The following RPH3AL variants were observed in gnomAD, a reference collection of about 807,000 sequenced individuals.
The protein encoded by RPH3AL is rab effector Noc2.
A neutral mutation model predicts 43.1 loss-of-function variants in RPH3AL; 38 were observed. The observed-to-expected ratio is 0.88, with a 90% CI of 0.68 to 1.15. The LOEUF (loss-of-function observed/expected upper bound fraction) is 1.15. Ranked by LOEUF, RPH3AL falls within the 50% of genes most tolerant of loss-of-function variation. The pLI is 0.00. For missense variants in RPH3AL, 462 were observed against 423.2 expected, an observed-to-expected ratio of 1.09 and a Z score of -0.81; for synonymous variants, 189 against 176.3, an observed-to-expected ratio of 1.07 and a Z score of -0.57.
rs1175022924 is a variant in RPH3AL at position 283,188 on chromosome 17, G to A, written c.352-1334C>T. Among the ~76,000 whole-genome samples the A allele has an allele frequency of 1.3e-5, 2 of 152,180 alleles. No individual in the cohort carries two copies. Among genetic ancestry groups the A allele is most frequent in the Non-Finnish European group, 2.9e-5 (2 of 68,040 alleles). ...TGCAGCCCCCCGCCGAGGGAAGGTTGCATCTGTTGCTTGGCCTTTTCTGCA... is the reference window on the plus strand; with the variant it reads ...TGCAGCCCCCCGCCGAGGGAAGGTTACATCTGTTGCTTGGCCTTTTCTGCA... On this transcript the variant is annotated intron_variant, in intron 5 of 9. Transcript: ENST00000331302. This position sits in a 1 kb window ranked among gnomAD's most constrained non-coding sequence, Gnocchi z 4.2.
chr17:313,566 C>T (rs2043706026), intron 5 of RPH3AL, among the ~76,000 whole-genome samples: 1 of 152,150 alleles, frequency 6.6e-6, no homozygotes, highest in Non-Finnish European at 1.5e-5. Context: ...TGGGCCTGAG[C>T]TCAGAGAGGC....
rs1464500932 is a variant in RPH3AL, at chr17:247,237, T to C, written c.487A>G (p.Ile163Val). ...AWFYKGLPKY[I>V]LPLKTPGRAD... ...CGGCCAGGGGTCTTCAGGGGCAAGA[T>C]ATACTTGGGGAGCCCTTTGTAGAAC... The change falls in exon 7 of 10, where the codon ATC (isoleucine) becomes GTC (valine). Residue 163 changes from isoleucine to valine, a missense_variant. Ile to Val is a conservative substitution (Grantham distance 29, BLOSUM62 3). Transcript: ENST00000331302. 1 of 1,611,152 alleles carries C rather than the reference T, an allele frequency of 6.2e-7. No individual in the cohort carries two copies.
chr17:253,469 C>T (rs1263381914), intron 6 of RPH3AL, among the ~76,000 whole-genome samples: 2 of 152,148 alleles, frequency 1.3e-5, no homozygotes, highest in African/African-American at 2.4e-5. Context: ...CACCGGACCA[C>T]GGTTTTGGCC....
In RPH3AL at chr17:333,073, T is replaced by C. The variant is rs1418540245; in HGVS notation, c.-37+686A>G. On this transcript the variant is annotated intron_variant, in intron 2 of 9. Transcript: ENST00000331302. This position sits in a 1 kb window ranked among gnomAD's most constrained non-coding sequence, Gnocchi z 4.5. ...TCTTCCAGGAGGATGCAATTCTCTCTCTAAAGTCGAGAGCTCACCACCCCG... is the reference window on the plus strand; with the variant it reads ...TCTTCCAGGAGGATGCAATTCTCTCCCTAAAGTCGAGAGCTCACCACCCCG... 2 of 1,288,468 alleles carry C rather than the reference T, an allele frequency of 1.6e-6. No individual in the cohort carries two copies. Among genetic ancestry groups the C allele is most frequent in the Non-Finnish European group, 2.0e-6 (2 of 988,682 alleles). 79.8% of individuals were successfully genotyped at this position (1,288,468 alleles called of 1,614,324 possible). A position where few individuals can be genotyped will look rare whatever the true frequency, so the allele number is the denominator to read the frequency against.
chr17:214,014 G>T, intron 9 of RPH3AL, 91 bp from the exon 10 acceptor site: 1 of 943,446 alleles, frequency 1.1e-6, no homozygotes, highest in South Asian at 1.6e-5. Context: ...ATGAGATGGA[G>T]GAGCTGGTGG....
At chr17:277,596 G>A (rs972474730) in intron 6 of RPH3AL, among the ~76,000 whole-genome samples, 2 of 152,194 alleles carry the variant, frequency 1.3e-5, no homozygotes, top group African/African-American at 4.8e-5. Flanking sequence ...AAAAGAGGGG[G>A]AGATCGGATT....
chr17:226,460 C>T (rs190174769), intron 7 of RPH3AL, among the ~76,000 whole-genome samples: 160 of 152,364 alleles, frequency 1.1e-3, no homozygotes, highest in African/African-American at 3.8e-3. Context: ...GCTTAGAGGT[C>T]TTTGTGGTAC....
intron 8 of RPH3AL, among the ~76,000 whole-genome samples, chr17:218,678 C>A (rs1329089197): frequency 1.3e-5 from 2 of 152,194 alleles, no homozygotes; most frequent in African/African-American, 4.8e-5. Context: ...CTCTCCCAGG[C>A]CTTCTCTATA....
intron 9 of RPH3AL, chr17:214,893 G>A (rs2040757983): frequency 6.6e-6 from 1 of 152,286 alleles, no homozygotes; most frequent in South Asian, 2.1e-4. Context: ...CCTCTGTGGA[G>A]GACCTCCAGG....
chr17:249,503 C>A (rs782396411), intron 6 of RPH3AL, among the ~76,000 whole-genome samples: 2 of 152,036 alleles, frequency 1.3e-5, no homozygotes, highest in Non-Finnish European at 2.9e-5. Context: ...CACCGCCACC[C>A]CCCTCCTGCC....
rs866160228 is a variant in RPH3AL at position 246,213 on chromosome 17, G to A, written c.613+898C>T. Among the ~76,000 whole-genome samples, 9 of 152,248 alleles carry A rather than the reference G, an allele frequency of 5.9e-5. No homozygotes were observed. The highest frequency in any genetic ancestry group is 7.4e-5 in the Non-Finnish European group (5 of 68,022). On this transcript the variant is annotated intron_variant, in intron 7 of 9. Coordinates refer to ENST00000331302, the MANE Select transcript of RPH3AL (RefSeq NM_006987.4). The surrounding 1 kb of genome is among the most constrained non-coding windows in gnomAD (Gnocchi z 4.8). ...GGATGTCGCAAAGCCCCTGAGAAGC[G>A]GCCGCCAGGTCTATTGTGATGGGTC... is the stretch of plus-strand genomic sequence containing the variant.
intron 8 of RPH3AL, among the ~76,000 whole-genome samples, chr17:218,662 C>T (rs965613385): frequency 6.6e-6 from 1 of 152,222 alleles, no homozygotes; most frequent in Admixed American, 6.5e-5. Context: ...AAATGTCTTT[C>T]CTTTCCTCTC....
At position 336,387 on chromosome 17, in the gene RPH3AL, G is replaced by A. The variant is rs77659746; in HGVS notation, c.-212-2453C>T. ...GTTGCAGGCTGACTATGCACCAAGC[G>A]GGCTCGAGTGGATTCCAGAGTTGAA... On this transcript the variant is annotated intron_variant, in intron 1 of 9. Coordinates refer to ENST00000331302, the MANE Select transcript of RPH3AL (RefSeq NM_006987.4). 7.0e-3 allele frequency among the ~76,000 whole-genome samples: 1,067 copies of A among 152,238 alleles called. 15 individuals are homozygous for A. Among genetic ancestry groups the A allele is most frequent in the African/African-American group, 0.025 (1,029 of 41,522 alleles).
In RPH3AL at chr17:289,952, G is replaced by C. The variant is rs1425117388; in HGVS notation, c.352-8098C>G. ...TTACCCTCCGCTGTGTGGCTGCAGG[G>C]CTCCTGTGACTTCCCCTGCTGGGCC... On this transcript the variant is annotated intron_variant, in intron 5 of 9. Transcript: ENST00000331302. The surrounding 1 kb of genome is among the most constrained non-coding windows in gnomAD (Gnocchi z 5.2). Among the ~76,000 whole-genome samples the C allele has an allele frequency of 3.9e-5, 6 of 152,178 alleles. No homozygotes were observed. The highest frequency in any genetic ancestry group is 7.3e-5 in the Non-Finnish European group (5 of 68,042).
At chr17:240,084 A>G (rs2041491896) in intron 7 of RPH3AL, among the ~76,000 whole-genome samples, 1 of 152,006 alleles carries the variant, frequency 6.6e-6, no homozygotes, top group South Asian at 2.1e-4. Flanking sequence ...CTAAAAATAC[A>G]AAATTAGCGG....
At chr17:294,445 C>A (rs1287514772) in intron 5 of RPH3AL, among the ~76,000 whole-genome samples, 2 of 152,234 alleles carry the variant, frequency 1.3e-5, no homozygotes, top group African/African-American at 2.4e-5. Flanking sequence ...CAGAGTGAGA[C>A]CCAGACTCGA....
chr17:213,944 C>T (rs745307438), intron 9 of RPH3AL, 21 bp from the exon 10 acceptor site: 2 of 1,600,698 alleles, frequency 1.2e-6, no homozygotes, highest in Non-Finnish European at 1.7e-6. Context: ...GAGAAAAGGC[C>T]ACCACATGGT....
chr17:298,704 C>CAA (rs745555861), intron 5 of RPH3AL, among the ~76,000 whole-genome samples: 13 of 36,308 alleles, frequency 3.6e-4, no homozygotes, highest in African/African-American at 7.4e-4. Flanking sequence ...GATGTTATCT[C>CAA]AAAAAAAAAA....
chr17:283,875 C>T lies in RPH3AL; in HGVS notation c.352-2021G>A, dbSNP rs1290920845. Among the ~76,000 whole-genome samples the T allele has an allele frequency of 6.6e-6, 1 of 152,214 alleles. No individual in the cohort carries two copies. The highest frequency in any genetic ancestry group is 1.5e-5 in the Non-Finnish European group (1 of 68,036). ...TTCGCTCCTAATGTTCCCACCTCTA[C>T]AACAGGGTCCCCCATCAGCCTATGA... On this transcript the variant is annotated intron_variant, in intron 5 of 9. Coordinates refer to ENST00000331302, the MANE Select transcript of RPH3AL (RefSeq NM_006987.4). The surrounding 1 kb of genome is among the most constrained non-coding windows in gnomAD (Gnocchi z 4.2).
Sources: gnomAD v4.1 joint callset for allele counts (sites outside exome capture counted in the v4.1 genomes callset) on GRCh38, gnomAD v4.1.1 for gene constraint, Gnocchi (gnomAD v3.1) non-coding constraint, MANE v1.5 for transcripts, NCBI Gene and HGNC (gene_info 2026-07-23, HGNC 2026-07-21) for gene names.